COL15A1: variants seen among roughly 807,000 people sequenced by gnomAD.
COL15A1 encodes collagen type XV alpha 1 chain, also known as collagen alpha-1(XV) chain.
A neutral mutation model predicts 165.9 loss-of-function variants in COL15A1; 111 were observed. The observed-to-expected ratio is 0.67, with a 90% CI of 0.57 to 0.78. The LOEUF is 0.78. COL15A1 is among the 30% of genes least tolerant of loss of function. The pLI, the probability that COL15A1 is intolerant of heterozygous loss-of-function variation, is 0.00. For missense variants in COL15A1, 1,745 were observed against 1,789.7 expected (o/e 0.98, Z 0.45); for synonymous variants, 659 against 674.8 (o/e 0.98, Z 0.36).
intron 2 of COL15A1, 73 bp from the exon 3 acceptor site, chr9:98,985,492 C>A: frequency 7.1e-7 from 1 of 1,399,294 alleles, no homozygotes; most frequent in Non-Finnish European, 9.6e-7. Flanking sequence ...TCATTTGTGA[C>A]TGCGTTTCTT....
In COL15A1 at chr9:99,070,019, C is replaced by A; in HGVS notation, c.*133C>A. On this transcript the variant is annotated 3_prime_UTR_variant, in exon 42 of 42. Coordinates refer to ENST00000375001, the MANE Select transcript of COL15A1 (RefSeq NM_001855.5). The stretch of plus-strand genomic sequence containing the variant: ...ACTACATATTCTTTACAACAGCAAC[C>A]AAAGAAAACATACCTCAATACACTC... The A allele has an allele frequency of 1.4e-6, 1 of 699,494 alleles. No individual in the cohort carries two copies. Among genetic ancestry groups the A allele is most frequent in the South Asian group, 2.0e-5 (1 of 49,422 alleles). 43.3% of individuals were successfully genotyped at this position (699,494 alleles called of 1,614,324 possible). A position where few individuals can be genotyped will look rare whatever the true frequency, so the allele number is the denominator to read the frequency against.
chr9:99,046,284 C>G (rs1839490701), intron 26 of COL15A1, among the ~76,000 whole-genome samples: 1 of 152,178 alleles, frequency 6.6e-6, no homozygotes, highest in Admixed American at 6.5e-5. Context: ...CTCAAATTCA[C>G]TGGTGTCCTG....
In COL15A1 at chr9:99,055,154, G is replaced by A; in HGVS notation, c.3081+3G>A. 6.2e-7 allele frequency: 1 copy of A among 1,612,490 alleles called. No homozygotes were observed. The highest frequency in any genetic ancestry group is 8.5e-7 in the Non-Finnish European group (1 of 1,178,524). On this transcript the variant is annotated splice_donor_region_variant and intron_variant, in intron 33 of 41. Coordinates refer to ENST00000375001, the MANE Select transcript of COL15A1 (RefSeq NM_001855.5). ...GACACTTTCTGAACAACTTGAAGGTGAGTATTTCTCTACCAATATTTGGCC... is the reference window on the plus strand; with the variant it reads ...GACACTTTCTGAACAACTTGAAGGTAAGTATTTCTCTACCAATATTTGGCC...
intron 5 of COL15A1, 124 bp from the exon 6 acceptor site, chr9:98,996,809 CA>C (rs912185752): frequency 1.1e-4 from 156 of 1,432,564 alleles, no homozygotes; most frequent in Middle Eastern, 1.8e-4. Flanking sequence ...CAAGTGGGGC[CA>C]AGCTTTCCCC....
chr9:99,014,470 C>T (rs575797160), intron 9 of COL15A1, among the ~76,000 whole-genome samples: 1 of 152,322 alleles, frequency 6.6e-6, no homozygotes, highest in South Asian at 2.1e-4. Context: ...ATCAGGGATT[C>T]TCTGGAGGGG....
intron 16 of COL15A1, among the ~76,000 whole-genome samples, chr9:99,029,312 A>T (rs1839177659): frequency 2.0e-5 from 3 of 152,236 alleles, no homozygotes. Flanking sequence ...ATTGCCTTTG[A>T]GTAATTTCAC....
At chr9:99,021,295 G>T (rs1190808770) in intron 12 of COL15A1, among the ~76,000 whole-genome samples, 1 of 152,232 alleles carries the variant, frequency 6.6e-6, no homozygotes, top group East Asian at 1.9e-4. Context: ...GAGGGCCAGG[G>T]CTGGGGAGGG....
chr9:99,044,445 A>G, intron 24 of COL15A1, 123 bp from the exon 25 acceptor site: 1 of 846,946 alleles, frequency 1.2e-6, no homozygotes, highest in Admixed American at 2.0e-5. Flanking sequence ...AGAGAAATAA[A>G]TCATGGCTGC....
intron 2 of COL15A1, among the ~76,000 whole-genome samples, chr9:98,977,492 G>A (rs1838159244): frequency 6.6e-6 from 1 of 152,250 alleles, no homozygotes; most frequent in African/African-American, 2.4e-5. Context: ...AGCCGCGAGT[G>A]AGCATGGGTC....
Position 99,061,971 on chromosome 9 carries a change from G to A in COL15A1, c.3403G>A (p.Val1135Ile). Residue 1135 changes from valine to isoleucine, a missense_variant and splice_region_variant, in exon 37 of 42, where the codon GTC (valine) becomes ATC (isoleucine). Physicochemically the swap from Val to Ile is conservative, Grantham distance 29 (BLOSUM62 3). Transcript: ENST00000375001. ...GTTTGGAATTTAAATGATCTGACAGGTCACAGCATTCAGCAACATGGATGA... is the reference window on the plus strand; with the variant it reads ...GTTTGGAATTTAAATGATCTGACAGATCACAGCATTCAGCAACATGGATGA... ...QPGLPGSRNL[V>I]TAFSNMDDML... 6.2e-7 allele frequency: 1 copy of A among 1,611,664 alleles called. No individual in the cohort carries two copies. Among genetic ancestry groups the A allele is most frequent in the Non-Finnish European group, 8.5e-7 (1 of 1,179,248 alleles).
At chr9:98,962,557 A>G (rs10512261) in intron 2 of COL15A1, among the ~76,000 whole-genome samples, 45,410 of 152,204 alleles carry the variant, frequency 0.3, 7,374 homozygotes, top group Non-Finnish European at 0.37. Context: ...GTGGAATTCA[A>G]AACTTAAGTG....
intron 26 of COL15A1, among the ~76,000 whole-genome samples, chr9:99,046,685 C>T (rs1427443964): frequency 6.6e-6 from 1 of 152,212 alleles, no homozygotes; most frequent in Non-Finnish European, 1.5e-5. Context: ...ATGAGAACAG[C>T]ATGGGGAAAT....
chr9:98,970,918 AGTATGT>A (rs1838038629), intron 2 of COL15A1, among the ~76,000 whole-genome samples: 1 of 152,092 alleles, frequency 6.6e-6, no homozygotes. Context: ...AACCTTCGAA[AGTATGT>A]GTATGAGTGT....
In COL15A1 at chr9:99,044,654, C is replaced by A. The variant is rs1307133464; in HGVS notation, c.2643+18C>A. The A allele has an allele frequency of 2.5e-6, 4 of 1,613,422 alleles. No individual in the cohort carries two copies. The highest frequency in any genetic ancestry group is 3.4e-6 in the Non-Finnish European group (4 of 1,179,370). ...GGAAAAAGGTAATTATGTCACCAGA[C>A]CCTGCAGGCACATATCTGCCCCAGC... On this transcript the variant is annotated intron_variant, in intron 25 of 41. Coordinates refer to ENST00000375001, the MANE Select transcript of COL15A1 (RefSeq NM_001855.5).
intron 5 of COL15A1, among the ~76,000 whole-genome samples, chr9:98,995,381 A>G (rs964813547): frequency 6.6e-6 from 1 of 152,082 alleles, no homozygotes; most frequent in Non-Finnish European, 1.5e-5. Context: ...CCCCTAGTCC[A>G]TGATCACACT....
chr9:98,949,789 A>G (rs904172635), intron 2 of COL15A1, among the ~76,000 whole-genome samples: 1 of 152,170 alleles, frequency 6.6e-6, no homozygotes, highest in Non-Finnish European at 1.5e-5. Context: ...AAGTTCCAAA[A>G]CATTTTCATC....
intron 9 of COL15A1, among the ~76,000 whole-genome samples, chr9:99,011,423 A>AAAAAACC (rs548063268): frequency 2.2e-5 from 3 of 135,136 alleles, no homozygotes; most frequent in African/African-American, 8.5e-5. Flanking sequence ...AAAAAAAAAA[A>AAAAAACC]AGTCATTTTA....
chr9:98,969,760 G>T (rs1838016347), intron 2 of COL15A1, among the ~76,000 whole-genome samples: 2 of 152,204 alleles, frequency 1.3e-5, no homozygotes, highest in Non-Finnish European at 1.5e-5. Flanking sequence ...GACATTCCTG[G>T]AGAGCAGCAG....
intron 4 of COL15A1, among the ~76,000 whole-genome samples, chr9:98,988,784 G>A (rs377265567): frequency 4.6e-5 from 7 of 152,050 alleles, no homozygotes; most frequent in East Asian, 1.9e-4. Context: ...TTAGCCCGGC[G>A]TGGTGGCGTG....
Sources: gnomAD v4.1 joint callset for allele counts (sites outside exome capture counted in the v4.1 genomes callset) on GRCh38, gnomAD v4.1.1 for gene constraint, MANE v1.5 for transcripts, NCBI Gene and HGNC (gene_info 2026-07-23, HGNC 2026-07-21) for gene names.